The following DCAF17 variants were observed in gnomAD, a reference collection of about 807,000 sequenced individuals.
DCAF17 encodes DDB1 and CUL4 associated factor 17, also known as DDB1- and CUL4-associated factor 17.
In DCAF17, 48 loss-of-function variants were observed where a neutral mutation model predicts 66.0. The observed-to-expected ratio is 0.73, with a 90% CI of 0.58 to 0.92. DCAF17 has a LOEUF of 0.92. DCAF17 is among the 40% of genes least tolerant of loss of function. The pLI is 0.00. For synonymous variants in DCAF17, 206 were observed against 214.6 expected (o/e 0.96, Z 0.35); for missense variants, 562 against 622.8 (o/e 0.90, Z 1.04).
chr2:171,466,056 G>T (rs1277175904), intron 8 of DCAF17, among the ~76,000 whole-genome samples: 2 of 151,976 alleles, frequency 1.3e-5, no homozygotes, highest in Non-Finnish European at 2.9e-5. Flanking sequence ...TAGAGGTGAG[G>T]TTTTGCCATG....
At chr2:171,473,829 C>T in intron 9 of DCAF17, 37 bp from the exon 10 acceptor site, 1 of 1,523,908 alleles carries the variant, frequency 6.6e-7, no homozygotes, top group Non-Finnish European at 9.1e-7. Context: ...TTGATTTTCC[C>T]TTAATCTTTG....
intron 4 of DCAF17, among the ~76,000 whole-genome samples, chr2:171,449,246 G>C (rs1028238785): frequency 5.3e-5 from 8 of 152,158 alleles, no homozygotes; most frequent in African/African-American, 1.9e-4. Flanking sequence ...GACCTCAAGT[G>C]ATCTGCCCAC....
At chr2:171,475,101 T>C (rs1696436143) in intron 10 of DCAF17, among the ~76,000 whole-genome samples, 1 of 152,244 alleles carries the variant, frequency 6.6e-6, no homozygotes, top group African/African-American at 2.4e-5. Flanking sequence ...CTCAGTTTAC[T>C]CTAGTCATGC....
At chr2:171,434,884 T>G in intron 1 of DCAF17, 181 bp downstream of exon 1, 9 of 1,098,882 alleles carry the variant, frequency 8.2e-6, no homozygotes, top group Non-Finnish European at 1.1e-5. Flanking sequence ...GCTTTTAGTT[T>G]TACGCTTCTT....
Position 171,448,932 on chromosome 2 carries a change from A to G in DCAF17, c.458+115A>G, listed in dbSNP as rs76335624. The G allele has an allele frequency of 3.7e-3, 3,406 of 910,422 alleles. 74 individuals carry two copies. In the African/African-American group the frequency reaches 0.047, roughly 13 times the overall value. 56.4% of individuals were successfully genotyped at this position (910,422 alleles called of 1,614,324 possible). On this transcript the variant is annotated intron_variant, in intron 4 of 13. Coordinates refer to ENST00000375255, the MANE Select transcript of DCAF17 (RefSeq NM_025000.4). ...TTTTCTAATCCATTACCAGATCTCA[A>G]TTAATAAACCTATTTTCTTTTTCTC...
At chr2:171,451,886 C>T (rs1694976032) in intron 5 of DCAF17, among the ~76,000 whole-genome samples, 1 of 152,172 alleles carries the variant, frequency 6.6e-6, no homozygotes, top group African/African-American at 2.4e-5. Flanking sequence ...TATACGTTAT[C>T]ATATGTTAAT....
chr2:171,483,291 C>T lies in DCAF17; in HGVS notation c.*2177C>T. The T allele has an allele frequency of 2.2e-6, 1 of 454,098 alleles. No individual in the cohort carries two copies. The highest frequency in any genetic ancestry group is 1.6e-5 in the South Asian group (1 of 64,476). The allele number at this position is 454,098 out of a possible 1,614,324, so 28.1% of individuals were successfully genotyped here. Reference sequence around the variant, plus strand: ...TAATTCGAGACTCTAGCTACATGCCCACCTACTTAACAGGTACTAGTGACA... The same window carrying T: ...TAATTCGAGACTCTAGCTACATGCCTACCTACTTAACAGGTACTAGTGACA... On this transcript the variant is annotated 3_prime_UTR_variant, in exon 14 of 14. Coordinates refer to ENST00000375255, the MANE Select transcript of DCAF17 (RefSeq NM_025000.4).
At position 171,438,920 on chromosome 2, in the gene DCAF17, G is replaced by T. The variant is rs149898652; in HGVS notation, c.230+3734G>T. Among the ~76,000 whole-genome samples, 217 of 151,940 alleles carry T rather than the reference G, an allele frequency of 1.4e-3. 6 individuals carry two copies. In the East Asian group the frequency reaches 0.016, roughly 11 times the overall value. ...TAAAACAATTTTTTTAGAGATAGGG[G>T]TCTCAGTCGTGCTGTGTTGCCCAAG... is the stretch of plus-strand genomic sequence containing the variant. On this transcript the variant is annotated intron_variant, in intron 2 of 13. Coordinates refer to ENST00000375255, the MANE Select transcript of DCAF17 (RefSeq NM_025000.4).
chr2:171,448,222 C>T (rs935224833), intron 3 of DCAF17, among the ~76,000 whole-genome samples: 1 of 152,062 alleles, frequency 6.6e-6, no homozygotes. Context: ...GCCTTGACCT[C>T]CCAGTCTCAA....
At chr2:171,460,339 A>T (rs1050238766) in intron 8 of DCAF17, among the ~76,000 whole-genome samples, 1 of 151,334 alleles carries the variant, frequency 6.6e-6, no homozygotes, top group African/African-American at 2.4e-5. Flanking sequence ...AAAAAAAAAA[A>T]AAGTGAGTAA....
intron 9 of DCAF17, among the ~76,000 whole-genome samples, chr2:171,471,783 G>A (rs1404145476): frequency 1.3e-5 from 2 of 152,140 alleles, no homozygotes; most frequent in African/African-American, 2.4e-5. Flanking sequence ...GGGAGGCCTA[G>A]GCAGGCAGAT....
intron 2 of DCAF17, among the ~76,000 whole-genome samples, chr2:171,437,551 G>C (rs922761156): frequency 2.0e-5 from 3 of 152,102 alleles, no homozygotes; most frequent in African/African-American, 7.2e-5. Context: ...ATCTGGGCTT[G>C]GCACTTTCTG....
intron 5 of DCAF17, among the ~76,000 whole-genome samples, chr2:171,450,510 C>T (rs890762670): frequency 6.6e-6 from 1 of 151,310 alleles, no homozygotes; most frequent in Non-Finnish European, 1.5e-5. Flanking sequence ...TTTATAAAGT[C>T]TGGAAATTTA....
At chr2:171,450,424 A>G (rs1464612615) in intron 5 of DCAF17, among the ~76,000 whole-genome samples, 1 of 152,002 alleles carries the variant, frequency 6.6e-6, no homozygotes, top group Non-Finnish European at 1.5e-5. Context: ...AAAAGTTGAT[A>G]GGTAGATTTT....
chr2:171,471,557 G>A (rs1696244863), intron 9 of DCAF17, among the ~76,000 whole-genome samples: 1 of 152,108 alleles, frequency 6.6e-6, no homozygotes, highest in African/African-American at 2.4e-5. Flanking sequence ...AATTTCAGTG[G>A]TTACAATCAA....
At position 171,483,223 on chromosome 2, in the gene DCAF17, A is replaced by G; in HGVS notation, c.*2109A>G. 1 of 454,112 alleles carries G rather than the reference A, an allele frequency of 2.2e-6. No individual in the cohort carries two copies. Among genetic ancestry groups the G allele is most frequent in the South Asian group, 1.6e-5 (1 of 64,474 alleles). 28.1% of individuals were successfully genotyped at this position (454,112 alleles called of 1,614,324 possible). ...TCATTCTGCCACCTGCCAGACATTA[A>G]TGTCTTCCTGCCCTACCTAAACCCC... is the stretch of plus-strand genomic sequence containing the variant. On this transcript the variant is annotated 3_prime_UTR_variant, in exon 14 of 14. Transcript: ENST00000375255.
intron 6 of DCAF17, among the ~76,000 whole-genome samples, chr2:171,453,695 G>A (rs1319453223): frequency 6.6e-6 from 1 of 151,978 alleles, no homozygotes; most frequent in East Asian, 1.9e-4. Context: ...TTGACTTGTG[G>A]AGCAGTTACA....
At chr2:171,480,312 A>G in intron 13 of DCAF17, 119 bp downstream of exon 13, 1 of 1,320,972 alleles carries the variant, frequency 7.6e-7, no homozygotes, top group Non-Finnish European at 1.1e-6. Flanking sequence ...GACCATGTGA[A>G]AGAGGTTTTG....
chr2:171,473,734 T>C (rs772346331), intron 9 of DCAF17, 132 bp from the exon 10 acceptor site: 5 of 725,438 alleles, frequency 6.9e-6, no homozygotes, highest in Non-Finnish European at 9.8e-6. Flanking sequence ...CCCTCAAATA[T>C]ATTCCACTTT....
Sources: gnomAD v4.1 joint callset for allele counts (sites outside exome capture counted in the v4.1 genomes callset) on GRCh38, gnomAD v4.1.1 for gene constraint, MANE v1.5 for transcripts, NCBI Gene and HGNC (gene_info 2026-07-23, HGNC 2026-07-21) for gene names.